Variants in PCDH9 observed in about 807,000 individuals in gnomAD.
PCDH9 encodes protocadherin-9.
In PCDH9, 24 loss-of-function variants were observed where a neutral mutation model predicts 70.6. The ratio of observed to expected loss-of-function variants is 0.34; its 90% CI spans 0.25 to 0.48. The LOEUF (loss-of-function observed/expected upper bound fraction) is 0.48. Among genes scored for constraint, PCDH9 ranks in the 20% least tolerant of loss-of-function variants. PCDH9 has a pLI of 0.99. For missense variants in PCDH9, 1,281 were observed against 1,503.6 expected, an observed-to-expected ratio of 0.85 and a Z score of 2.45; for synonymous variants, 562 against 558.5, an observed-to-expected ratio of 1.01 and a Z score of -0.09.
chr13:67,094,134 A>G (rs1344391403), intron 2 of PCDH9, among the ~76,000 whole-genome samples: 1 of 152,220 alleles, frequency 6.6e-6, no homozygotes, highest in East Asian at 1.9e-4. Context: ...ACAAGGAGTC[A>G]GAGCTTCTGG....
At chr13:66,667,577 C>T (rs112707124) in intron 3 of PCDH9, among the ~76,000 whole-genome samples, 3,068 of 152,128 alleles carry the variant, frequency 0.02, 121 homozygotes, top group African/African-American at 0.071. Flanking sequence ...CCAAATTTAT[C>T]GTGTTTTATT....
At chr13:66,926,525 C>T (rs181032479) in intron 2 of PCDH9, among the ~76,000 whole-genome samples, 49 of 152,134 alleles carry the variant, frequency 3.2e-4, no homozygotes, top group African/African-American at 1.1e-3. Flanking sequence ...GTACCAAGGA[C>T]GATCTCTACA....
intron 2 of PCDH9, among the ~76,000 whole-genome samples, chr13:67,060,153 A>C (rs2138123704): frequency 6.6e-6 from 1 of 152,160 alleles, no homozygotes; most frequent in Admixed American, 6.6e-5. Context: ...TTGCTGGAAG[A>C]ATTTCATGAG....
chr13:66,581,346 G>C (rs1388325812), intron 4 of PCDH9, among the ~76,000 whole-genome samples: 1 of 152,096 alleles, frequency 6.6e-6, no homozygotes, highest in Admixed American at 6.5e-5. Context: ...TATTAAACCA[G>C]ACCATATTTT....
intron 3 of PCDH9, among the ~76,000 whole-genome samples, chr13:66,647,290 C>T (rs2077784607): frequency 6.6e-6 from 1 of 152,126 alleles, no homozygotes; most frequent in South Asian, 2.1e-4. Flanking sequence ...GAGACTTCCT[C>T]CTTTTACTTG....
chr13:66,322,817 T>C (rs1955778405), intron 4 of PCDH9, among the ~76,000 whole-genome samples: 1 of 152,018 alleles, frequency 6.6e-6, no homozygotes, highest in Middle Eastern at 3.2e-3. Context: ...CTCTCAGCTT[T>C]GCTAACAAAA....
At chr13:66,619,283 T>C (rs191521635) in intron 4 of PCDH9, among the ~76,000 whole-genome samples, 48 of 152,242 alleles carry the variant, frequency 3.2e-4, no homozygotes, top group Admixed American at 2.4e-3. Context: ...AGAAAAACAA[T>C]GAACACACTG....
chr13:66,981,015 C>CA (rs1172864522), intron 2 of PCDH9, among the ~76,000 whole-genome samples: 5 of 151,960 alleles, frequency 3.3e-5, no homozygotes, highest in African/African-American at 1.2e-4. Context: ...TGTGTTTTTC[C>CA]ATAAAATCTA....
intron 2 of PCDH9, among the ~76,000 whole-genome samples, chr13:67,156,988 T>C (rs2087829985): frequency 6.6e-6 from 1 of 152,224 alleles, no homozygotes; most frequent in Non-Finnish European, 1.5e-5. Context: ...CTTTAACACA[T>C]TTCCTCAGAG....
chr13:66,959,744 C>A lies in PCDH9; in HGVS notation c.3037-56139G>T, dbSNP rs1353489524. Among the ~76,000 whole-genome samples the A allele has an allele frequency of 1.4e-3, 180 of 125,090 alleles. 1 individual carries two copies. The highest frequency in any genetic ancestry group is 3.4e-4 in the Non-Finnish European group (20 of 59,668). The allele number at this position is 125,090 out of a possible 152,430, so 82.1% of individuals were successfully genotyped here. On this transcript the variant is annotated intron_variant, in intron 2 of 4. Coordinates refer to ENST00000377865, the MANE Select transcript of PCDH9 (RefSeq NM_203487.3). ...CCACCCTGGGCAACAGAGTGAGACCCCGTCTCAAAAAAAAAAAAAAGAAAG... is the reference window on the plus strand; with the variant it reads ...CCACCCTGGGCAACAGAGTGAGACCACGTCTCAAAAAAAAAAAAAAGAAAG...
chr13:66,763,184 T>G (rs2079655951), intron 3 of PCDH9, among the ~76,000 whole-genome samples: 2 of 151,780 alleles, frequency 1.3e-5, no homozygotes, highest in Admixed American at 6.6e-5. Context: ...ATGAATTTTA[T>G]AAAATGACAT....
intron 4 of PCDH9, among the ~76,000 whole-genome samples, chr13:66,344,479 A>G (rs1055797506): frequency 6.6e-6 from 1 of 152,176 alleles, no homozygotes; most frequent in Non-Finnish European, 1.5e-5. Context: ...ACATTGACAT[A>G]TTAGTACAAC....
chr13:66,751,113 C>A (rs2079451073), intron 3 of PCDH9, among the ~76,000 whole-genome samples: 2 of 152,156 alleles, frequency 1.3e-5, no homozygotes, highest in Admixed American at 1.3e-4. Flanking sequence ...CACTTGCACT[C>A]CCTCTTCAGG....
intron 3 of PCDH9, among the ~76,000 whole-genome samples, chr13:66,684,506 A>G (rs771024032): frequency 3.3e-5 from 5 of 152,172 alleles, no homozygotes; most frequent in Non-Finnish European, 7.3e-5. Flanking sequence ...TGTCCTTGAC[A>G]GTGAATGAGT....
chr13:66,475,802 C>G (rs747957836), intron 4 of PCDH9, among the ~76,000 whole-genome samples: 2 of 152,058 alleles, frequency 1.3e-5, no homozygotes, highest in Non-Finnish European at 2.9e-5. Flanking sequence ...AAACTGCAAA[C>G]AATTGTTTGA....
chr13:66,822,440 T>C (rs562707530), intron 3 of PCDH9, among the ~76,000 whole-genome samples: 1 of 152,018 alleles, frequency 6.6e-6, no homozygotes, highest in Non-Finnish European at 1.5e-5. Flanking sequence ...TTCCATGATG[T>C]AGTGCTAGAG....
intron 2 of PCDH9, among the ~76,000 whole-genome samples, chr13:66,936,298 A>G (rs1433577027): frequency 1.3e-5 from 2 of 152,268 alleles, no homozygotes; most frequent in African/African-American, 4.8e-5. Flanking sequence ...AGTTGTAACC[A>G]TTTTCTAATT....
At chr13:66,579,366 C>A (rs1034055140) in intron 4 of PCDH9, among the ~76,000 whole-genome samples, 4 of 151,956 alleles carry the variant, frequency 2.6e-5, no homozygotes, top group African/African-American at 9.7e-5. Flanking sequence ...AAACTTCGAA[C>A]TGGAAAAATA....
At chr13:66,942,552 A>T (rs536640586) in intron 2 of PCDH9, among the ~76,000 whole-genome samples, 1 of 152,140 alleles carries the variant, frequency 6.6e-6, no homozygotes, top group South Asian at 2.1e-4. Flanking sequence ...AAGGCTCAAA[A>T]ATTCAACAGT....
Sources: gnomAD v4.1 joint callset for allele counts (sites outside exome capture counted in the v4.1 genomes callset) on GRCh38, gnomAD v4.1.1 for gene constraint, MANE v1.5 for transcripts, NCBI Gene and HGNC (gene_info 2026-07-23, HGNC 2026-07-21) for gene names.